The following PLCL2 variants were observed in gnomAD, a reference collection of about 807,000 sequenced individuals.
PLCL2 encodes the protein inactive phospholipase C-like protein 2.
Under a neutral mutation model 79.6 loss-of-function variants are expected in PLCL2, and 4 were observed. The observed-to-expected ratio is 0.05, with a 90% CI of 0.02 to 0.11. PLCL2 has a LOEUF of 0.11. Ranked by LOEUF, PLCL2 falls within the 10% of genes least tolerant of loss-of-function variation. The pLI is 1.00. For missense variants in PLCL2, 895 were observed against 1,291.0 expected, an observed-to-expected ratio of 0.69 and a Z score of 4.70; for synonymous variants, 484 against 457.7, an observed-to-expected ratio of 1.06 and a Z score of -0.73.
At chr3:16,906,276 G>A (rs529103242) in intron 1 of PLCL2, among the ~76,000 whole-genome samples, 30 of 152,248 alleles carry the variant, frequency 2.0e-4, no homozygotes, top group Non-Finnish European at 2.5e-4. Flanking sequence ...GAGGTGTGCA[G>A]ATCATCTCTT....
At chr3:16,961,073 A>G (rs2063749812) in intron 1 of PLCL2, among the ~76,000 whole-genome samples, 1 of 152,254 alleles carries the variant, frequency 6.6e-6, no homozygotes, top group African/African-American at 2.4e-5. Flanking sequence ...TCTAAATGAA[A>G]TATATGCTGT....
chr3:17,017,717 T>A (rs556319852), intron 3 of PLCL2, among the ~76,000 whole-genome samples: 10 of 152,352 alleles, frequency 6.6e-5, no homozygotes, highest in Admixed American at 3.3e-4. Flanking sequence ...ATGGCCAGTC[T>A]ACATGCCTAA....
intron 5 of PLCL2, 47 bp downstream of exon 5, chr3:17,068,112 C>A: frequency 1.0e-6 from 1 of 982,328 alleles, no homozygotes; most frequent in Non-Finnish European, 1.6e-6. Flanking sequence ...CAGCCTCTTT[C>A]AGCATGCTTC....
intron 1 of PLCL2, among the ~76,000 whole-genome samples, chr3:16,938,859 T>C (rs1272819521): frequency 6.6e-6 from 1 of 152,226 alleles, no homozygotes; most frequent in Non-Finnish European, 1.5e-5. Context: ...CTAACACTGT[T>C]ACTCCAAAAC....
chr3:16,998,900 T>C (rs2064179975), intron 1 of PLCL2, among the ~76,000 whole-genome samples: 1 of 152,246 alleles, frequency 6.6e-6, no homozygotes, highest in African/African-American at 2.4e-5. Context: ...AAATTTGTTT[T>C]CTTCACATGT....
chr3:17,027,843 G>A (rs1247336285), intron 3 of PLCL2, among the ~76,000 whole-genome samples: 1 of 152,162 alleles, frequency 6.6e-6, no homozygotes, highest in African/African-American at 2.4e-5. Flanking sequence ...AAAGAAACAA[G>A]AGGTGGAAAC....
chr3:16,938,495 A>C (rs116938213), intron 1 of PLCL2, among the ~76,000 whole-genome samples: 2 of 152,198 alleles, frequency 1.3e-5, no homozygotes, highest in African/African-American at 4.8e-5. Flanking sequence ...GGAAAGCCAT[A>C]GGCTAAGGGA....
chr3:16,895,857 T>A (rs1696467464), intron 1 of PLCL2, among the ~76,000 whole-genome samples: 1 of 152,172 alleles, frequency 6.6e-6, no homozygotes, highest in South Asian at 2.1e-4. Flanking sequence ...CACAAAAGAA[T>A]ACATATTTTT....
In PLCL2 at chr3:17,090,077, C is replaced by A. The variant is rs2065258208; in HGVS notation, c.*165C>A. On this transcript the variant is annotated 3_prime_UTR_variant, in exon 6 of 6. Transcript: ENST00000615277. ...AAAACTGTGAATGTATGTAGCAATC[C>A]TGCGTGTGAAGGCAAATAAACTCTT... The A allele has an allele frequency of 1.5e-6, 2 of 1,337,274 alleles. No homozygotes were observed. Among genetic ancestry groups the A allele is most frequent in the South Asian group, 4.5e-5 (2 of 44,570 alleles). The allele number at this position is 1,337,274 out of a possible 1,614,324, so 82.8% of individuals were successfully genotyped here.
intron 5 of PLCL2, among the ~76,000 whole-genome samples, chr3:17,082,749 A>G (rs1197924513): frequency 6.6e-6 from 1 of 152,138 alleles, no homozygotes; most frequent in Non-Finnish European, 1.5e-5. Context: ...CATGTGGTAG[A>G]TCTATATATG....
chr3:16,885,724 C>T (rs1300729477), intron 1 of PLCL2, among the ~76,000 whole-genome samples: 1 of 152,208 alleles, frequency 6.6e-6, no homozygotes, highest in Non-Finnish European at 1.5e-5. Flanking sequence ...ATCTTAAACA[C>T]AGATAGGGAT....
intron 1 of PLCL2, among the ~76,000 whole-genome samples, chr3:16,986,011 G>C (rs1433782045): frequency 6.6e-6 from 1 of 152,034 alleles, no homozygotes; most frequent in Admixed American, 6.6e-5. Context: ...ATGTTATTGG[G>C]AGTGGCTAGT....
At chr3:16,980,257 T>C (rs1168272926) in intron 1 of PLCL2, among the ~76,000 whole-genome samples, 1 of 134,588 alleles carries the variant, frequency 7.4e-6, no homozygotes, top group Non-Finnish European at 1.6e-5. Context: ...ATGGGGCGGC[T>C]GGCCGGGCGG....
intron 4 of PLCL2, among the ~76,000 whole-genome samples, chr3:17,051,081 T>C (rs1357098788): frequency 6.6e-6 from 1 of 151,824 alleles, no homozygotes; most frequent in Non-Finnish European, 1.5e-5. Flanking sequence ...ATTTTTGGAA[T>C]CTAAAAATCA....
intron 1 of PLCL2, among the ~76,000 whole-genome samples, chr3:16,994,739 G>A (rs1487890822): frequency 6.6e-6 from 1 of 152,160 alleles, no homozygotes; most frequent in Non-Finnish European, 1.5e-5. Context: ...GGGCTCAAGA[G>A]ACTTGATATT....
At chr3:16,960,410 A>G (rs1382221584) in intron 1 of PLCL2, among the ~76,000 whole-genome samples, 2 of 152,160 alleles carry the variant, frequency 1.3e-5, no homozygotes, top group Admixed American at 6.5e-5. Context: ...TCTAAACACT[A>G]TAGGAAGCAC....
intron 5 of PLCL2, among the ~76,000 whole-genome samples, chr3:17,081,754 C>T (rs1019166231): frequency 6.6e-6 from 1 of 152,200 alleles, no homozygotes; most frequent in African/African-American, 2.4e-5. Context: ...AAGCCACAGG[C>T]TCAGCCAGAA....
At chr3:17,037,722 C>A (rs2064672860) in intron 3 of PLCL2, among the ~76,000 whole-genome samples, 1 of 152,128 alleles carries the variant, frequency 6.6e-6, no homozygotes, top group African/African-American at 2.4e-5. Flanking sequence ...AAATTATTGA[C>A]AAACTACTTT....
At chr3:16,962,751 T>A (rs2063766764) in intron 1 of PLCL2, among the ~76,000 whole-genome samples, 2 of 151,998 alleles carry the variant, frequency 1.3e-5, no homozygotes, top group South Asian at 4.1e-4. Flanking sequence ...AAAAGAAAAA[T>A]TAACGAATAA....
Sources: allele counts gnomAD v4.1 joint callset (sites outside exome capture counted in the v4.1 genomes callset), GRCh38; gene constraint gnomAD v4.1.1; transcripts MANE v1.5; gene names NCBI Gene and HGNC (gene_info 2026-07-23, HGNC 2026-07-21).